Variants in CSMD1 observed in about 807,000 individuals in gnomAD.
The protein encoded by CSMD1 is CUB and sushi domain-containing protein 1.
Under a neutral mutation model 417.5 loss-of-function variants are expected in CSMD1, and 213 were observed. The observed-to-expected ratio is 0.51, with a 90% CI of 0.46 to 0.57. CSMD1 has a LOEUF of 0.57. Among genes scored for constraint, CSMD1 ranks in the 20% least tolerant of loss-of-function variants. CSMD1 has a pLI of 0.00. For missense variants in CSMD1, 6,923 were observed against 4,529.7 expected (o/e 1.53, Z -15.17); for synonymous variants, 2,862 against 1,736.8 (o/e 1.65, Z -16.11).
At chr8:4,823,036 T>C (rs950451067) in intron 1 of CSMD1, among the ~76,000 whole-genome samples, 1 of 152,120 alleles carries the variant, frequency 6.6e-6, no homozygotes, top group Non-Finnish European at 1.5e-5. Context: ...TCCATCACTG[T>C]GTCTGTGAAA....
chr8:3,724,545 C>T (rs1413734713), intron 6 of CSMD1, among the ~76,000 whole-genome samples: 2 of 151,974 alleles, frequency 1.3e-5, no homozygotes, highest in Non-Finnish European at 2.9e-5. Context: ...GGTCCTAAGG[C>T]TGAATGATCT....
chr8:3,261,856 C>T (rs946721503), intron 26 of CSMD1, among the ~76,000 whole-genome samples: 2 of 152,010 alleles, frequency 1.3e-5, no homozygotes, highest in African/African-American at 2.4e-5. Flanking sequence ...GGCATGCGGG[C>T]CGAGGTCAAT....
intron 49 of CSMD1, among the ~76,000 whole-genome samples, chr8:3,053,781 G>A (rs1459152977): frequency 6.6e-6 from 1 of 152,144 alleles, no homozygotes; most frequent in African/African-American, 2.4e-5. Flanking sequence ...CAGGCAGAGG[G>A]TGACATTTCA....
chr8:3,681,570 C>T (rs527608738), intron 7 of CSMD1, among the ~76,000 whole-genome samples: 4 of 152,290 alleles, frequency 2.6e-5, no homozygotes, highest in East Asian at 1.9e-4. Flanking sequence ...ACATTCCATG[C>T]TTATGGATAG....
chr8:4,394,133 T>C (rs1006265465), intron 3 of CSMD1, among the ~76,000 whole-genome samples: 2 of 152,204 alleles, frequency 1.3e-5, no homozygotes, highest in Non-Finnish European at 2.9e-5. Flanking sequence ...CTTCTAAGTA[T>C]TATTATTGAG....
intron 3 of CSMD1, among the ~76,000 whole-genome samples, chr8:4,319,667 G>C (rs1305658290): frequency 6.6e-6 from 1 of 152,056 alleles, no homozygotes. Context: ...GAGAGGCCAG[G>C]GAACAGAGAA....
At chr8:4,198,683 C>T (rs1202944761) in intron 3 of CSMD1, among the ~76,000 whole-genome samples, 1 of 152,022 alleles carries the variant, frequency 6.6e-6, no homozygotes, top group Non-Finnish European at 1.5e-5. Context: ...GCTGGTAAAA[C>T]CCCAAGGACT....
intron 3 of CSMD1, among the ~76,000 whole-genome samples, chr8:4,144,048 G>A (rs568508848): frequency 6.6e-6 from 1 of 151,250 alleles, no homozygotes; most frequent in Non-Finnish European, 1.5e-5. Flanking sequence ...ATCCTTTGTT[G>A]TTAGGAAATG....
intron 20 of CSMD1, among the ~76,000 whole-genome samples, chr8:3,362,283 C>A (rs1387344406): frequency 1.3e-5 from 2 of 152,186 alleles, no homozygotes; most frequent in African/African-American, 4.8e-5. Flanking sequence ...TTTTCCCATC[C>A]TCCCTTCCAA....
At chr8:3,243,828 T>A (rs1271741340) in intron 26 of CSMD1, among the ~76,000 whole-genome samples, 1 of 151,612 alleles carries the variant, frequency 6.6e-6, no homozygotes, top group Non-Finnish European at 1.5e-5. Flanking sequence ...TATATTTATA[T>A]GTATATGCAA....
chr8:4,278,911 G>A lies in CSMD1; in HGVS notation c.415+141042C>T, dbSNP rs547609410. 2.6e-5 allele frequency among the ~76,000 whole-genome samples: 4 copies of A among 152,268 alleles called. No homozygotes were observed. The South Asian group carries it at 6.2e-4, about 24-fold the overall frequency. ...GACTGCTAGGATAACTTCTCTGAAA[G>A]TAACAAGCCTCATTTAAAAATACTT... On this transcript the variant is annotated intron_variant, in intron 3 of 69. Transcript: ENST00000635120.
intron 11 of CSMD1, among the ~76,000 whole-genome samples, chr8:3,484,999 G>T (rs910802472): frequency 6.6e-6 from 1 of 152,138 alleles, no homozygotes; most frequent in Admixed American, 6.6e-5. Context: ...GAAAACAGCT[G>T]AGCAGTTTCC....
intron 1 of CSMD1, among the ~76,000 whole-genome samples, chr8:4,790,574 T>G (rs1369081714): frequency 6.6e-6 from 1 of 152,144 alleles, no homozygotes; most frequent in Non-Finnish European, 1.5e-5. Context: ...CAGCCCGACT[T>G]TAAGCTATAC....
At chr8:4,493,986 T>A (rs974603863) in intron 2 of CSMD1, among the ~76,000 whole-genome samples, 1 of 152,176 alleles carries the variant, frequency 6.6e-6, no homozygotes, top group African/African-American at 2.4e-5. Context: ...TCAAATGCCT[T>A]AAGCATGTAC....
intron 2 of CSMD1, among the ~76,000 whole-genome samples, chr8:4,558,909 A>ATT (rs1405751131): frequency 1.6e-5 from 2 of 126,256 alleles, no homozygotes; most frequent in African/African-American, 5.9e-5. Flanking sequence ...CAAAACAAAA[A>ATT]ATAGAGATTT....
chr8:3,284,358 A>T lies in CSMD1; in HGVS notation c.3951-12T>A. On this transcript the variant is annotated splice_polypyrimidine_tract_variant and intron_variant, in intron 25 of 69. Transcript: ENST00000635120. ...CAATGAAATGGAGGCTGCAAGAGAG[A>T]ACACAGTAGCGCTACTTGCCGTGCA... The T allele has an allele frequency of 6.2e-7, 1 of 1,602,650 alleles. No individual in the cohort carries two copies. Among genetic ancestry groups the T allele is most frequent in the Non-Finnish European group, 8.5e-7 (1 of 1,170,792 alleles).
intron 23 of CSMD1, among the ~76,000 whole-genome samples, chr8:3,313,064 A>G (rs1342162685): frequency 2.0e-5 from 3 of 152,232 alleles, no homozygotes; most frequent in Non-Finnish European, 4.4e-5. Flanking sequence ...ATAAAATTCT[A>G]TGATGTTAAT....
chr8:3,272,327 A>C (rs1039713663), intron 26 of CSMD1, among the ~76,000 whole-genome samples: 7 of 146,582 alleles, frequency 4.8e-5, no homozygotes, highest in Non-Finnish European at 4.6e-5. Context: ...TGTTTTGGTT[A>C]CGGTAGCCTT....
chr8:3,524,612 C>A (rs1432835453), intron 10 of CSMD1, among the ~76,000 whole-genome samples: 1 of 151,306 alleles, frequency 6.6e-6, no homozygotes, highest in African/African-American at 2.4e-5. Context: ...CACACACATG[C>A]ACATACACAC....
Sources: allele counts gnomAD v4.1 joint callset (sites outside exome capture counted in the v4.1 genomes callset), GRCh38; gene constraint gnomAD v4.1.1; transcripts MANE v1.5; gene names NCBI Gene and HGNC (gene_info 2026-07-23, HGNC 2026-07-21).